The following DDX18 variants were observed in gnomAD, a reference collection of about 807,000 sequenced individuals.
DDX18 encodes DEAD-box helicase 18, also known as ATP-dependent RNA helicase DDX18.
Under a neutral mutation model 73.5 loss-of-function variants are expected in DDX18, and 23 were observed. That is an observed-to-expected ratio of 0.31 (90% confidence interval 0.23 to 0.44). The LOEUF is 0.44. Among genes scored for constraint, DDX18 ranks in the 20% least tolerant of loss-of-function variants. The pLI is 1.00. For missense variants in DDX18, 753 were observed against 792.9 expected (o/e 0.95, Z 0.60); for synonymous variants, 268 against 282.7 (o/e 0.95, Z 0.52).
chr2:117,815,131 C>G, intron 1 of DDX18: 1 of 477,004 alleles, frequency 2.1e-6, no homozygotes, highest in Non-Finnish European at 3.8e-6. Flanking sequence ...TCTAGGCTTA[C>G]GACTAACCCT....
chr2:117,824,838 T>C, intron 8 of DDX18, 102 bp from the exon 9 acceptor site: 1 of 1,482,392 alleles, frequency 6.7e-7, no homozygotes. Flanking sequence ...CATGACAGTT[T>C]ACACACTGTG....
At chr2:117,825,774 G>A (rs925518536) in intron 10 of DDX18, 175 bp downstream of exon 10, 1 of 672,702 alleles carries the variant, frequency 1.5e-6, no homozygotes, top group South Asian at 2.7e-5. Flanking sequence ...GGCTCAAACG[G>A]GCTGTGCCAG....
At chr2:117,828,110 G>T (rs908240769) in intron 11 of DDX18, 8 of 152,178 alleles carry the variant, frequency 5.3e-5, no homozygotes, top group African/African-American at 1.7e-4. Context: ...TCTGTTGGCT[G>T]CCTAAATGTC....
rs1680039292 is a variant in DDX18 at position 117,832,234 on chromosome 2, T to G, written c.*1510T>G. The G allele has an allele frequency of 6.6e-6, 1 of 152,214 alleles. No homozygotes were observed. The highest frequency in any genetic ancestry group is 1.5e-5 in the Non-Finnish European group (1 of 68,036). 9.4% of individuals were successfully genotyped at this position (152,214 alleles called of 1,614,324 possible). A position where few individuals can be genotyped will look rare whatever the true frequency, so the allele number is the denominator to read the frequency against. On this transcript the variant is annotated 3_prime_UTR_variant, in exon 14 of 14. Coordinates refer to ENST00000263239, the MANE Select transcript of DDX18 (RefSeq NM_006773.4). ...TGAGCAGAAGTAAATACTGTTGGCA[T>G]TTTGTACATAATCTAATTTTTATAT...
At chr2:117,816,467 A>G (rs1679760135) in intron 1 of DDX18, among the ~76,000 whole-genome samples, 1 of 152,130 alleles carries the variant, frequency 6.6e-6, no homozygotes, top group Non-Finnish European at 1.5e-5. Flanking sequence ...ACACAGACAC[A>G]TTCAGTTTCA....
intron 3 of DDX18, 25 bp from the exon 4 acceptor site, chr2:117,821,136 T>A: frequency 1.3e-6 from 2 of 1,504,250 alleles, no homozygotes; most frequent in South Asian, 2.8e-5. Context: ...ATAAATTTGC[T>A]AATGATAAAT....
intron 11 of DDX18, 21 bp downstream of exon 11, chr2:117,826,403 A>C (rs1429075753): frequency 6.2e-7 from 1 of 1,603,204 alleles, no homozygotes; most frequent in African/African-American, 1.3e-5. Flanking sequence ...GTACTTGGAG[A>C]AAGATTTCTC....
intron 2 of DDX18, 58 bp downstream of exon 2, chr2:117,817,786 TC>T: frequency 6.6e-7 from 1 of 1,512,578 alleles, no homozygotes; most frequent in Non-Finnish European, 8.9e-7. Flanking sequence ...CGGTTATTGT[TC>T]CTCTTTCTAT....
In DDX18 at chr2:117,830,611, A is replaced by G; in HGVS notation, c.1900A>G (p.Lys634Glu). ...CAACAGTAATGAAGGCAAGCAGAAA[A>G]AGCGAGGAGGTGGTGGTGGATTTGG... ...NVNSNEGKQK[K>E]RGGGGGFGYQ... The change falls in exon 14 of 14, where the codon AAG (lysine) becomes GAG (glutamate). Residue 634 changes from lysine to glutamate, a missense_variant. Around this residue, in one of 3 missense-constraint regions of DDX18, gnomAD observed 402 missense variants for 419.4 expected, o/e 0.96. Transcript: ENST00000263239. 6.2e-7 allele frequency: 1 copy of G among 1,613,760 alleles called. No individual in the cohort carries two copies.
chr2:117,817,815 G>T, intron 2 of DDX18, 87 bp downstream of exon 2: 1 of 1,389,680 alleles, frequency 7.2e-7, no homozygotes, highest in Non-Finnish European at 9.8e-7. Context: ...GTGTGCACAT[G>T]ACATGAGAAT....
intron 7 of DDX18, 197 bp from the exon 8 acceptor site, chr2:117,824,372 C>G: frequency 2.3e-6 from 1 of 426,576 alleles, no homozygotes; most frequent in Non-Finnish European, 3.9e-6. Flanking sequence ...AGGAGTTTGT[C>G]CATTTCATCT....
At chr2:117,816,906 G>T (rs1016128223) in intron 1 of DDX18, among the ~76,000 whole-genome samples, 1 of 152,318 alleles carries the variant, frequency 6.6e-6, no homozygotes, top group Admixed American at 6.5e-5. Context: ...TCACAGAAAT[G>T]TCATTGTGCA....
intron 13 of DDX18, 138 bp from the exon 14 acceptor site, chr2:117,830,444 C>T (rs1680002613): frequency 9.3e-7 from 1 of 1,071,844 alleles, no homozygotes; most frequent in Non-Finnish European, 1.3e-6. Flanking sequence ...ATTGCATAGG[C>T]TTATGTTCCC....
At chr2:117,829,125 G>C (rs983560026) in intron 12 of DDX18, 120 bp downstream of exon 12, 1 of 1,130,636 alleles carries the variant, frequency 8.8e-7, no homozygotes, top group Non-Finnish European at 1.3e-6. Context: ...TGAGGATCAG[G>C]CTGTGTAGTG....
rs1015544374 is a variant in DDX18, at chr2:117,825,324, G to A, written c.1369-123G>A. ...TCCTTGAGGGGCTTGCGGAACAGTT[G>A]GGGAAATAGGACATAGGCCAAGGGA... On this transcript the variant is annotated intron_variant, in intron 9 of 13. Transcript: ENST00000263239. 13 of 1,308,046 alleles carry A rather than the reference G, an allele frequency of 9.9e-6. No homozygotes were observed. In the East Asian group the frequency reaches 2.4e-4, roughly 24 times the overall value. 81.0% of individuals were successfully genotyped at this position (1,308,046 alleles called of 1,614,324 possible). A position where few individuals can be genotyped will look rare whatever the true frequency, so the allele number is the denominator to read the frequency against.
chr2:117,825,405 C>T (rs368143202), intron 9 of DDX18, 42 bp from the exon 10 acceptor site: 1 of 1,590,874 alleles, frequency 6.3e-7, no homozygotes, highest in East Asian at 2.3e-5. Context: ...GCTAGTCTTC[C>T]TCAAGATTCC....
Position 117,817,666 on chromosome 2 carries a change from C to T in DDX18, c.308C>T (p.Ser103Phe). Residue 103 changes from serine (S) to phenylalanine (F), a missense_variant, in exon 2 of 14, where the codon TCC becomes TTC. Ser to Phe is a radical substitution (Grantham distance 155). Transcript: ENST00000263239. ...LTNGEAAMQS[S>F]NSESKKKKKK... ...AATGGAGAAGCAGCAATGCAGTCTTCCAATTCAGAATCAAAAAAGAAAAAG... is the reference window on the plus strand; with the variant it reads ...AATGGAGAAGCAGCAATGCAGTCTTTCAATTCAGAATCAAAAAAGAAAAAG... The T allele has an allele frequency of 6.2e-7, 1 of 1,608,140 alleles. No individual in the cohort carries two copies. The highest frequency in any genetic ancestry group is 8.5e-7 in the Non-Finnish European group (1 of 1,178,566).
chr2:117,825,083 G>A lies in DDX18; in HGVS notation c.1350G>A (p.Leu450=), dbSNP rs781406596. The A allele has an allele frequency of 1.2e-6, 2 of 1,609,046 alleles. No individual in the cohort carries two copies. Among genetic ancestry groups the A allele is most frequent in the African/African-American group, 2.7e-5 (2 of 74,384 alleles). ...YHYELLNYID[L]PVLAIHGKQK... Reference sequence around the variant, plus strand: ...ATGAGTTGCTGAACTACATTGATTTGCCCGTCTTGGCCATTCATGTAAGTG... The same window carrying A: ...ATGAGTTGCTGAACTACATTGATTTACCCGTCTTGGCCATTCATGTAAGTG... Residue 450 remains leucine, a synonymous_variant, in exon 9 of 14, where the codon TTG becomes TTA. Coordinates refer to ENST00000263239, the MANE Select transcript of DDX18 (RefSeq NM_006773.4).
chr2:117,819,662 A>G lies in DDX18; in HGVS notation c.384A>G (p.Ala128=), dbSNP rs148523583. 33 of 1,583,406 alleles carry G rather than the reference A, an allele frequency of 2.1e-5. No homozygotes were observed. In the African/African-American group the frequency reaches 4.3e-4, roughly 20 times the overall value. Residue 128 remains alanine (A), a synonymous_variant, in exon 3 of 14, where the codon GCA becomes GCG. Coordinates refer to ENST00000263239, the MANE Select transcript of DDX18 (RefSeq NM_006773.4). ...TTAAAACCAAAGATACGAAAAAAGC[A>G]AAAACTGAAAACAAAGGGAAATCTG... ...VNDAEPDTKK[A]KTENKGKSEE...
Sources: gnomAD v4.1 joint callset for allele counts (sites outside exome capture counted in the v4.1 genomes callset) on GRCh38, gnomAD v4.1.1 for gene constraint, gnomAD v4.1.1 regional missense constraint, MANE v1.5 for transcripts, NCBI Gene and HGNC (gene_info 2026-07-23, HGNC 2026-07-21) for gene names.